Variants in PLEKHA2 observed in about 807,000 individuals in gnomAD.
PLEKHA2 encodes the protein pleckstrin homology domain-containing family A member 2.
PLEKHA2 carries 28 observed loss-of-function variants against 53.2 expected under a neutral mutation model. The ratio of observed to expected loss-of-function variants is 0.53; its 90% CI spans 0.39 to 0.72. The LOEUF (loss-of-function observed/expected upper bound fraction) is 0.72, where lower values mean the gene tolerates loss of function less well. Among genes scored for constraint, PLEKHA2 ranks in the 30% least tolerant of loss-of-function variants. The pLI is 0.00. For missense variants in PLEKHA2, 426 were observed against 537.9 expected, an observed-to-expected ratio of 0.79 and a Z score of 2.06; for synonymous variants, 193 against 196.4, an observed-to-expected ratio of 0.98 and a Z score of 0.14.
At chr8:38,966,823 AC>A (rs1241294753) in intron 10 of PLEKHA2, among the ~76,000 whole-genome samples, 6 of 152,116 alleles carry the variant, frequency 3.9e-5, no homozygotes, top group African/African-American at 1.4e-4. Context: ...TTTAAGGGGT[AC>A]AAGTGCGGTT....
At chr8:38,954,611 G>A (rs1421332032) in intron 9 of PLEKHA2, among the ~76,000 whole-genome samples, 1 of 152,184 alleles carries the variant, frequency 6.6e-6, no homozygotes, top group Non-Finnish European at 1.5e-5. Flanking sequence ...GGGCTCTGCA[G>A]CTTCCATGCC....
At position 38,968,878 on chromosome 8, in the gene PLEKHA2, TAGATAGAGAAATGGAA is replaced by T. The variant is rs1835188878; in HGVS notation, c.915+210_915+225del. 3 of 492,182 alleles carry T rather than the reference TAGATAGAGAAATGGAA, an allele frequency of 6.1e-6. No individual in the cohort carries two copies. The South Asian group carries it at 1.1e-4, about 18-fold the overall frequency. 30.5% of individuals were successfully genotyped at this position (492,182 alleles called of 1,614,324 possible). On this transcript the variant is annotated intron_variant, in intron 11 of 11. Transcript: ENST00000617275. ...GTTGTGGGAGGAGGTGAGGTAGGGT[TAGATAGAGAAATGGAA>T]TTTCTTTTTTTTTTTTTTTTTTGAG...
intron 1 of PLEKHA2, among the ~76,000 whole-genome samples, chr8:38,903,387 T>C (rs1833822571): frequency 1.3e-5 from 2 of 152,226 alleles, no homozygotes; most frequent in Non-Finnish European, 1.5e-5. Flanking sequence ...CCCTTTCTTT[T>C]TCCTTGTCAT....
intron 2 of PLEKHA2, among the ~76,000 whole-genome samples, chr8:38,928,980 G>A (rs1834339817): frequency 6.6e-6 from 1 of 152,180 alleles, no homozygotes; most frequent in Admixed American, 6.5e-5. Flanking sequence ...GCTTTGGAAT[G>A]TGGGGCAGCG....
At chr8:38,934,061 T>G (rs1158811016) in intron 2 of PLEKHA2, among the ~76,000 whole-genome samples, 2 of 151,772 alleles carry the variant, frequency 1.3e-5, no homozygotes, top group African/African-American at 4.8e-5. Context: ...GTATGTTAAT[T>G]TAGATAGGTG....
In PLEKHA2 at chr8:38,952,137, G is replaced by T. The variant is rs781153775; in HGVS notation, c.487-29G>T. 6 of 1,601,814 alleles carry T rather than the reference G, an allele frequency of 3.7e-6. No homozygotes were observed. In the East Asian group the frequency reaches 1.1e-4, roughly 30 times the overall value. ...GCTGTGGCTGCATAGAGGGAGGGAG[G>T]CGCTGATACTGACACTGTTTCCTTG... is the stretch of plus-strand genomic sequence containing the variant. On this transcript the variant is annotated intron_variant, in intron 6 of 11. Coordinates refer to ENST00000617275, the MANE Select transcript of PLEKHA2 (RefSeq NM_021623.2).
At chr8:38,963,496 T>G (rs1238538629) in intron 10 of PLEKHA2, among the ~76,000 whole-genome samples, 1 of 152,216 alleles carries the variant, frequency 6.6e-6, no homozygotes, top group Non-Finnish European at 1.5e-5. Context: ...AAAATAGATA[T>G]GTACATAACC....
intron 3 of PLEKHA2, among the ~76,000 whole-genome samples, chr8:38,941,473 G>A (rs1834612051): frequency 6.6e-6 from 1 of 152,208 alleles, no homozygotes; most frequent in Non-Finnish European, 1.5e-5. Context: ...TTGATATAAT[G>A]TTATGTAGGC....
intron 1 of PLEKHA2, among the ~76,000 whole-genome samples, chr8:38,915,535 G>A (rs947815898): frequency 2.6e-5 from 4 of 152,224 alleles, no homozygotes. Context: ...ATCAGTCATA[G>A]TGGATTAGGG....
At chr8:38,950,505 GT>G (rs77632516) in intron 5 of PLEKHA2, 26 of 181,496 alleles carry the variant, frequency 1.4e-4, no homozygotes, top group South Asian at 4.2e-4. Flanking sequence ...TTTGTTTTAC[GT>G]TTTTTTTTGT....
intron 2 of PLEKHA2, among the ~76,000 whole-genome samples, chr8:38,918,638 A>G (rs991692201): frequency 7.5e-6 from 1 of 132,568 alleles, no homozygotes; most frequent in Non-Finnish European, 1.7e-5. Context: ...CCACACACAG[A>G]GACACACATA....
At chr8:38,941,481 G>A (rs1834612223) in intron 3 of PLEKHA2, among the ~76,000 whole-genome samples, 1 of 152,214 alleles carries the variant, frequency 6.6e-6, no homozygotes, top group African/African-American at 2.4e-5. Flanking sequence ...ATGTTATGTA[G>A]GCATTCAATT....
At chr8:38,968,856 G>T (rs976130535) in intron 11 of PLEKHA2, 187 bp downstream of exon 11, 2 of 556,406 alleles carry the variant, frequency 3.6e-6, no homozygotes, top group Non-Finnish European at 6.3e-6. Flanking sequence ...CTGTTTGGTT[G>T]TGGGAGGAGG....
chr8:38,945,087 G>A (rs1460486516), intron 4 of PLEKHA2, among the ~76,000 whole-genome samples: 9 of 152,204 alleles, frequency 5.9e-5, no homozygotes, highest in Admixed American at 5.9e-4. Flanking sequence ...CCGTGCATGG[G>A]TGCCTCAAGT....
At chr8:38,924,427 G>A (rs929772468) in intron 2 of PLEKHA2, among the ~76,000 whole-genome samples, 5 of 152,196 alleles carry the variant, frequency 3.3e-5, no homozygotes, top group Non-Finnish European at 5.9e-5. Context: ...TGTGAAGAGA[G>A]CTGGGGAAGG....
chr8:38,940,545 A>G (rs1361638676), intron 3 of PLEKHA2, among the ~76,000 whole-genome samples: 1 of 151,426 alleles, frequency 6.6e-6, no homozygotes, highest in African/African-American at 2.4e-5. Context: ...AGAGGACTGC[A>G]GGAATGTGGA....
intron 1 of PLEKHA2, among the ~76,000 whole-genome samples, chr8:38,916,382 A>G (rs1020616756): frequency 4.6e-5 from 7 of 151,992 alleles, no homozygotes; most frequent in African/African-American, 1.7e-4. Flanking sequence ...TATTTTTTGT[A>G]CCTATTAACC....
chr8:38,967,229 G>A (rs1373193263), intron 10 of PLEKHA2, among the ~76,000 whole-genome samples: 1 of 152,132 alleles, frequency 6.6e-6, no homozygotes, highest in Non-Finnish European at 1.5e-5. Flanking sequence ...CCTTACTATT[G>A]TGAATATTGC....
At chr8:38,963,260 C>T (rs915429286) in intron 10 of PLEKHA2, among the ~76,000 whole-genome samples, 1 of 152,126 alleles carries the variant, frequency 6.6e-6, no homozygotes, top group Admixed American at 6.6e-5. Flanking sequence ...GAACCGAGCA[C>T]CAGAAACAGG....
Sources: gnomAD v4.1 joint callset for allele counts (sites outside exome capture counted in the v4.1 genomes callset) on GRCh38, gnomAD v4.1.1 for gene constraint, MANE v1.5 for transcripts, NCBI Gene and HGNC (gene_info 2026-07-23, HGNC 2026-07-21) for gene names.